The following COL9A1 variants were observed in gnomAD, a reference collection of about 807,000 sequenced individuals.
COL9A1 encodes collagen alpha-1(IX) chain.
In COL9A1, 104 loss-of-function variants were observed where a neutral mutation model predicts 142.6. The observed-to-expected ratio is 0.73, with a 90% confidence interval of 0.62 to 0.86. The LOEUF (loss-of-function observed/expected upper bound fraction) is 0.86, where lower values mean the gene tolerates loss of function less well. Ranked by LOEUF, COL9A1 falls within the 40% of genes least tolerant of loss-of-function variation. The probability of loss-of-function intolerance (pLI) is 0.00; values close to 1 mark genes in which losing one functional copy is unlikely to be tolerated. For missense variants in COL9A1, 1,210 were observed against 1,176.6 expected, an observed-to-expected ratio of 1.03 and a Z score of -0.42; for synonymous variants, 466 against 396.0, an observed-to-expected ratio of 1.18 and a Z score of -2.10.
Position 70,288,408 on chromosome 6 carries a change from T to G in COL9A1, c.697-4588A>C, listed in dbSNP as rs529493940. On this transcript the variant is annotated intron_variant, in intron 5 of 37. Coordinates refer to ENST00000357250, the MANE Select transcript of COL9A1 (RefSeq NM_001851.6). ...AGTAGCCCTTGCTCCTACACTCTTATGTCCTTCTCTCCCTTCTCCTACAAT... is the reference window on the plus strand; with the variant it reads ...AGTAGCCCTTGCTCCTACACTCTTAGGTCCTTCTCTCCCTTCTCCTACAAT... Among the ~76,000 whole-genome samples the G allele has an allele frequency of 5.9e-5, 9 of 152,326 alleles. No individual in the cohort carries two copies. In the East Asian group the frequency reaches 1.7e-3, roughly 29 times the overall value.
downstream of COL9A1, chr6:70,216,057 A>G (rs1211864855): frequency 6.6e-6 from 1 of 152,594 alleles, no homozygotes; most frequent in East Asian, 1.9e-4. Flanking sequence ...GTAATGTTTA[A>G]TGTATCTAAA....
chr6:70,271,470 A>C (rs1243518423), intron 14 of COL9A1, among the ~76,000 whole-genome samples, 185 bp downstream of exon 14: 1 of 152,198 alleles, frequency 6.6e-6, no homozygotes, highest in African/African-American at 2.4e-5. Flanking sequence ...TTTAGGAAAA[A>C]ATTAAAATCA....
intron 24 of COL9A1, 25 bp from the exon 25 acceptor site, chr6:70,254,554 G>T: frequency 6.2e-7 from 1 of 1,611,362 alleles, no homozygotes; most frequent in South Asian, 1.1e-5. Flanking sequence ...TTTATCACAT[G>T]ATTGAACCTG....
In COL9A1 at chr6:70,300,390, CA is replaced by C; in HGVS notation, c.89-5del. The C allele has an allele frequency of 6.3e-7, 1 of 1,595,056 alleles. No homozygotes were observed. On this transcript the variant is annotated splice_polypyrimidine_tract_variant and splice_region_variant and intron_variant, in intron 2 of 37. Coordinates refer to ENST00000357250, the MANE Select transcript of COL9A1 (RefSeq NM_001851.6). ...GAATTGGAATTGACAGGGAATCCTG[CA>C]AAAGAGATAGCATGTCATTCTACTT...
intron 17 of COL9A1, 126 bp downstream of exon 17, chr6:70,268,678 C>T: frequency 1.2e-6 from 1 of 804,500 alleles, no homozygotes; most frequent in South Asian, 1.4e-5. Context: ...ATTGCTAGGA[C>T]TGAATAAGCA....
intron 35 of COL9A1, among the ~76,000 whole-genome samples, chr6:70,233,827 T>C (rs1480113101): frequency 6.6e-6 from 1 of 152,184 alleles, no homozygotes; most frequent in African/African-American, 2.4e-5. Flanking sequence ...CAAAAGAGTA[T>C]CTCTTCATGA....
chr6:70,263,330 C>A (rs765971597), intron 18 of COL9A1, 33 bp from the exon 19 acceptor site: 119 of 1,583,878 alleles, frequency 7.5e-5, no homozygotes, highest in Non-Finnish European at 9.9e-5. Flanking sequence ...AAAAGCACAC[C>A]AAATGTTATT....
intron 28 of COL9A1, chr6:70,245,550 A>T (rs565870645): frequency 6.6e-6 from 1 of 152,316 alleles, no homozygotes; most frequent in Non-Finnish European, 1.5e-5. Flanking sequence ...TGGTAGGAAA[A>T]GGCTGTTCTT....
intron 2 of COL9A1, 151 bp downstream of exon 2, chr6:70,301,850 A>G (rs9455035): frequency 1.4e-6 from 1 of 692,868 alleles, no homozygotes; most frequent in Non-Finnish European, 2.5e-6. Flanking sequence ...GAAAACCAGA[A>G]CCTAATGTAT....
At chr6:70,239,082 T>C (rs951684278) in intron 33 of COL9A1, among the ~76,000 whole-genome samples, 172 bp downstream of exon 33, 2 of 151,936 alleles carry the variant, frequency 1.3e-5, no homozygotes, top group East Asian at 3.9e-4. Context: ...GAGGTTGCAG[T>C]GAGCCAAGAT....
In COL9A1 at chr6:70,273,965, A is replaced by AAATT. The variant is rs143587455; in HGVS notation, c.1065+81_1065+82insAATT. 26 of 705,364 alleles carry AAATT rather than the reference A, an allele frequency of 3.7e-5. No homozygotes were observed. In the Admixed American group the frequency reaches 1.0e-3, roughly 28 times the overall value. The allele number at this position is 705,364 out of a possible 1,614,324, so 43.7% of individuals were successfully genotyped here. A position where few individuals can be genotyped will look rare whatever the true frequency, so the allele number is the denominator to read the frequency against. Reference sequence around the variant, plus strand: ...ATAATAAATAAATAAATAAATAAATAAATAAATAAAAAGATTTCACAATGG... The same window carrying AAATT: ...ATAATAAATAAATAAATAAATAAATAAATTAATAAATAAAAAGATTTCACAATGG... On this transcript the variant is annotated intron_variant, in intron 12 of 37. Coordinates refer to ENST00000357250, the MANE Select transcript of COL9A1 (RefSeq NM_001851.6).
chr6:70,223,647 G>A (rs772267468), intron 37 of COL9A1, among the ~76,000 whole-genome samples: 3 of 152,248 alleles, frequency 2.0e-5, no homozygotes, highest in East Asian at 1.9e-4. Context: ...CTCAGCTGGT[G>A]CTTTCACCTG....
chr6:70,245,574 A>G (rs1330875474), intron 28 of COL9A1: 1 of 152,224 alleles, frequency 6.6e-6, no homozygotes, highest in Non-Finnish European at 1.5e-5. Context: ...AGTTGCTAAT[A>G]TTTATAAATC....
intron 10 of COL9A1, chr6:70,279,815 A>C: frequency 2.0e-6 from 1 of 492,222 alleles, no homozygotes; most frequent in Non-Finnish European, 3.7e-6. Flanking sequence ...GATATGTCTT[A>C]AACTGTAGTC....
rs758066902 is a variant in COL9A1 at position 70,242,048 on chromosome 6, A to C, written c.1927-13T>G. The stretch of plus-strand genomic sequence containing the variant: ...TACCCAGAGAACCCTGGAAAGCAAA[A>C]ACAAAGTCCCCGGAGTTACTGTCAC... On this transcript the variant is annotated splice_polypyrimidine_tract_variant and intron_variant, in intron 29 of 37. Transcript: ENST00000357250. 8.2e-6 allele frequency: 13 copies of C among 1,584,914 alleles called. No individual in the cohort carries two copies. The highest frequency in any genetic ancestry group is 1.1e-5 in the Non-Finnish European group (13 of 1,163,380).
At chr6:70,217,210 T>C in intron 37 of COL9A1, 129 bp from the exon 38 acceptor site, 3 of 739,348 alleles carry the variant, frequency 4.1e-6, no homozygotes, top group South Asian at 3.1e-5. Flanking sequence ...GGATGATGAC[T>C]GGTGATGATT....
At chr6:70,295,281 C>CTTTTTTTTTTTTTTT (rs1171549562) in intron 4 of COL9A1, among the ~76,000 whole-genome samples, 2 of 63,166 alleles carry the variant, frequency 3.2e-5, no homozygotes, top group African/African-American at 6.4e-5. Flanking sequence ...GTTGTTGCTT[C>CTTTTTTTTTTTTTTT]TTTTTTTTTT....
At chr6:70,276,928 G>A (rs1391236864) in intron 10 of COL9A1, among the ~76,000 whole-genome samples, 1 of 152,078 alleles carries the variant, frequency 6.6e-6, no homozygotes, top group African/African-American at 2.4e-5. Flanking sequence ...ACCAAATCTA[G>A]GTATTAACCA....
intron 8 of COL9A1, 88 bp downstream of exon 8, chr6:70,281,299 TGAA>T: frequency 1.8e-6 from 2 of 1,135,822 alleles, no homozygotes; most frequent in Non-Finnish European, 2.4e-6. Flanking sequence ...TGGTCCTCTC[TGAA>T]AAAAAAAAAA....
Sources: gnomAD v4.1 joint callset for allele counts (sites outside exome capture counted in the v4.1 genomes callset) on GRCh38, gnomAD v4.1.1 for gene constraint, MANE v1.5 for transcripts, NCBI Gene and HGNC (gene_info 2026-07-23, HGNC 2026-07-21) for gene names.